The following ITGA8 variants were observed in gnomAD, a reference collection of about 807,000 sequenced individuals.
ITGA8 encodes the protein integrin alpha-8.
A neutral mutation model predicts 142.3 loss-of-function variants in ITGA8; 91 were observed. The observed-to-expected ratio is 0.64, with a 90% confidence interval of 0.54 to 0.76. The LOEUF (loss-of-function observed/expected upper bound fraction) is 0.76. Among genes scored for constraint, ITGA8 ranks in the 30% least tolerant of loss-of-function variants. ITGA8 has a pLI of 0.00. For missense variants in ITGA8, 1,406 were observed against 1,327.7 expected (o/e 1.06, Z -0.92); for synonymous variants, 505 against 485.2 (o/e 1.04, Z -0.54).
intron 28 of ITGA8, among the ~76,000 whole-genome samples, chr10:15,527,912 T>C (rs1186563864): frequency 7.9e-6 from 1 of 126,892 alleles, no homozygotes; most frequent in East Asian, 2.2e-4. Context: ...TGGGCTTTTT[T>C]TTTTTTTTTT....
At chr10:15,520,012 T>C (rs1174445233) in intron 28 of ITGA8, among the ~76,000 whole-genome samples, 1 of 152,218 alleles carries the variant, frequency 6.6e-6, no homozygotes, top group Non-Finnish European at 1.5e-5. Flanking sequence ...CAGTGAAGGA[T>C]ATCCCAGAGC....
At chr10:15,622,410 T>C (rs1440555886) in intron 13 of ITGA8, among the ~76,000 whole-genome samples, 2 of 152,094 alleles carry the variant, frequency 1.3e-5, no homozygotes, top group African/African-American at 4.8e-5. Flanking sequence ...TTCCAGACAA[T>C]GAGAATGGCC....
chr10:15,621,291 G>C (rs1833486913), intron 13 of ITGA8, among the ~76,000 whole-genome samples: 1 of 151,010 alleles, frequency 6.6e-6, no homozygotes, highest in Non-Finnish European at 1.5e-5. Context: ...GAGAAACATA[G>C]TTTATTTTCT....
intron 13 of ITGA8, among the ~76,000 whole-genome samples, chr10:15,635,918 TAC>T (rs4030579): frequency 0.099 from 14,192 of 142,926 alleles, 660 homozygotes; most frequent in Non-Finnish European, 0.12. Context: ...TTGCTTATAC[TAC>T]ACACACACAC....
At chr10:15,547,310 G>A (rs1833692652) in intron 27 of ITGA8, among the ~76,000 whole-genome samples, 1 of 152,186 alleles carries the variant, frequency 6.6e-6, no homozygotes, top group South Asian at 2.1e-4. Flanking sequence ...AATGGCTCAT[G>A]CTTGTAATCC....
At chr10:15,591,534 C>T (rs752678700) in intron 22 of ITGA8, among the ~76,000 whole-genome samples, 13 of 151,926 alleles carry the variant, frequency 8.6e-5, no homozygotes, top group South Asian at 2.1e-4. Context: ...TTTAAGTTCA[C>T]AGCTGGGAAG....
intron 27 of ITGA8, among the ~76,000 whole-genome samples, chr10:15,533,844 C>T (rs190441576): frequency 1.3e-5 from 2 of 152,216 alleles, no homozygotes; most frequent in African/African-American, 4.8e-5. Context: ...CTTTCACTTC[C>T]TTCCTTTGCC....
intron 13 of ITGA8, 152 bp downstream of exon 13, chr10:15,643,878 C>T (rs951257733): frequency 7.0e-5 from 41 of 588,378 alleles, no homozygotes; most frequent in Middle Eastern, 4.4e-4. Flanking sequence ...TCATGAAAGT[C>T]GCTCTGGAAT....
Position 15,593,373 on chromosome 10 carries a change from A to G in ITGA8, c.2212-1069T>C, listed in dbSNP as rs549140336. On this transcript the variant is annotated intron_variant, in intron 21 of 29. Transcript: ENST00000378076. ...TACTATGCCTTACACACATGATCTCATGTAATCCCAAAAAGCACTCTGGGG... is the reference window on the plus strand; with the variant it reads ...TACTATGCCTTACACACATGATCTCGTGTAATCCCAAAAAGCACTCTGGGG... Among the ~76,000 whole-genome samples, 15 of 152,212 alleles carry G rather than the reference A, an allele frequency of 9.9e-5. No homozygotes were observed. In the South Asian group the frequency reaches 3.1e-3, roughly 32 times the overall value.
chr10:15,653,975 C>T (rs1834137341), intron 11 of ITGA8, among the ~76,000 whole-genome samples: 1 of 152,048 alleles, frequency 6.6e-6, no homozygotes, highest in South Asian at 2.1e-4. Flanking sequence ...GCTGGGATTA[C>T]AGGCACCCAC....
chr10:15,670,494 C>T (rs537922530), intron 8 of ITGA8, among the ~76,000 whole-genome samples: 48 of 152,198 alleles, frequency 3.2e-4, no homozygotes, highest in South Asian at 1.0e-3. Context: ...AAGCTGTTTC[C>T]GGTATGAATC....
Position 15,719,564 on chromosome 10 carries a change from T to A in ITGA8, c.208A>T (p.Thr70Ser), listed in dbSNP as rs1259631414. 2.0e-5 allele frequency: 32 copies of A among 1,561,280 alleles called. No homozygotes were observed. Among genetic ancestry groups the A allele is most frequent in the Non-Finnish European group, 2.8e-5 (32 of 1,161,578 alleles). ...ACCTCCCCGGGTCGGGCGACTTACG[T>A]GCGGGCGTCGGGTATGTGGAAGTCC... ...AVDFHIPDAR[T>S]ASVLVGAPKA... The change falls in exon 1 of 30, where the codon ACA (threonine) becomes TCA (serine). Residue 70 changes from threonine (T) to serine (S), a missense_variant and splice_region_variant. Physicochemically the swap from Thr to Ser is moderately conservative, Grantham distance 58 (BLOSUM62 1). Coordinates refer to ENST00000378076, the MANE Select transcript of ITGA8 (RefSeq NM_003638.3).
In ITGA8 at chr10:15,661,959, G is replaced by T. The variant is rs570275991; in HGVS notation, c.848-1037C>A. 5.9e-5 allele frequency among the ~76,000 whole-genome samples: 9 copies of T among 152,224 alleles called. No homozygotes were observed. The East Asian group carries it at 1.7e-3, about 29-fold the overall frequency. On this transcript the variant is annotated intron_variant, in intron 8 of 29. Coordinates refer to ENST00000378076, the MANE Select transcript of ITGA8 (RefSeq NM_003638.3). Reference sequence around the variant, plus strand: ...AAACAAACCACAATCAGATATAATAGGGTTGACTGATTTCAGGGTCAGGCC... The same window carrying T: ...AAACAAACCACAATCAGATATAATATGGTTGACTGATTTCAGGGTCAGGCC...
intron 13 of ITGA8, among the ~76,000 whole-genome samples, chr10:15,624,661 C>G (rs1385372060): frequency 1.3e-5 from 2 of 152,190 alleles, no homozygotes; most frequent in East Asian, 3.8e-4. Context: ...CCTCCAGGAA[C>G]TGCCCATCAC....
intron 13 of ITGA8, among the ~76,000 whole-genome samples, chr10:15,619,844 A>G (rs1205776133): frequency 1.3e-5 from 2 of 152,258 alleles, no homozygotes; most frequent in African/African-American, 2.4e-5. Flanking sequence ...ATCTGTTGAC[A>G]TGACACCAGA....
At chr10:15,680,814 C>T (rs367982285) in intron 4 of ITGA8, among the ~76,000 whole-genome samples, 69 of 151,068 alleles carry the variant, frequency 4.6e-4, no homozygotes, top group African/African-American at 1.6e-3. Flanking sequence ...AAATAATCAG[C>T]TCCAAATGTT....
chr10:15,685,901 T>A (rs1313787760), intron 3 of ITGA8, among the ~76,000 whole-genome samples: 1 of 152,194 alleles, frequency 6.6e-6, no homozygotes, highest in Non-Finnish European at 1.5e-5. Flanking sequence ...TAACGAGAAA[T>A]CCTCGTCAAG....
chr10:15,632,965 G>C (rs546240278), intron 13 of ITGA8, among the ~76,000 whole-genome samples: 1 of 152,024 alleles, frequency 6.6e-6, no homozygotes, highest in Non-Finnish European at 1.5e-5. Context: ...GCTACATCAC[G>C]TGGTTCATCT....
chr10:15,525,798 GTAT>G (rs1833162971), intron 28 of ITGA8, among the ~76,000 whole-genome samples: 2 of 151,728 alleles, frequency 1.3e-5, no homozygotes, highest in Non-Finnish European at 2.9e-5. Context: ...TATGAATCAT[GTAT>G]TATTTATTAA....
Sources: allele counts gnomAD v4.1 joint callset (sites outside exome capture counted in the v4.1 genomes callset), GRCh38; gene constraint gnomAD v4.1.1; transcripts MANE v1.5; gene names NCBI Gene and HGNC (gene_info 2026-07-23, HGNC 2026-07-21).